Variants in SMUG1 observed in about 807,000 individuals in gnomAD.
SMUG1 encodes the protein single-strand selective monofunctional uracil DNA glycosylase.
Under a neutral mutation model 23.9 loss-of-function variants are expected in SMUG1, and 13 were observed. That is an observed-to-expected ratio of 0.54 (90% CI 0.35 to 0.86). The LOEUF (loss-of-function observed/expected upper bound fraction) is 0.86, where lower values mean the gene tolerates loss of function less well. Ranked by LOEUF, SMUG1 falls within the 40% of genes least tolerant of loss-of-function variation. The pLI is 0.01. For synonymous variants in SMUG1, 133 were observed against 139.8 expected (o/e 0.95, Z 0.34); for missense variants, 313 against 339.5 (o/e 0.92, Z 0.61).
downstream of SMUG1, among the ~76,000 whole-genome samples, chr12:54,163,893 C>T (rs1940353431): frequency 6.6e-6 from 1 of 152,266 alleles, no homozygotes; most frequent in Non-Finnish European, 1.5e-5. Flanking sequence ...CTTGTTACTG[C>T]AATTATTTCA....
rs767569651 is a variant in SMUG1 at position 54,182,211 on chromosome 12, TG to T, written c.697del (p.Gln233ArgfsTer27). ...AGAGGGATGCAGGAGCCCTTCCACCTGGACCTCTGGCATCAGGCCTGCCAGA... is the reference window on the plus strand; with the variant it reads ...AGAGGGATGCAGGAGCCCTTCCACCTGACCTCTGGCATCAGGCCTGCCAGA... The part of the protein sequence containing the change: ...RALAGLMPEV[Q>X]VEGLLHPSPR... On this transcript the variant is annotated frameshift_variant, in exon 4 of 4. Coordinates refer to ENST00000682136, the MANE Select transcript of SMUG1 (RefSeq NM_001243787.2). LOFTEE classifies it high-confidence loss of function. 6.2e-7 allele frequency: 1 copy of T among 1,612,144 alleles called. No individual in the cohort carries two copies. Among genetic ancestry groups the T allele is most frequent in the Non-Finnish European group, 8.5e-7 (1 of 1,178,654 alleles).
chr12:54,167,135 G>A (rs960593638), intron 3 of SMUG1, among the ~76,000 whole-genome samples: 1 of 152,172 alleles, frequency 6.6e-6, no homozygotes, highest in East Asian at 1.9e-4. Context: ...GACATTCCTA[G>A]GCAGCTGGGT....
rs1403142043 is a variant in SMUG1, at chr12:54,172,195, T to C, written c.399-86A>G. 4 of 427,154 alleles carry C rather than the reference T, an allele frequency of 9.4e-6. No homozygotes were observed. The East Asian group carries it at 3.0e-4, about 32-fold the overall frequency. 26.5% of individuals were successfully genotyped at this position (427,154 alleles called of 1,614,324 possible). ...ATGTTACTCGGAGTGTGAGTTTTAC[T>C]GTAACTTATTAGTTTCTACGTGATG... On this transcript the variant is annotated intron_variant and NMD_transcript_variant, in intron 2 of 4. Transcript: ENST00000509864.
At chr12:54,187,114 A>G (rs2136877752) in intron 2 of SMUG1, 1 of 152,332 alleles carries the variant, frequency 6.6e-6, no homozygotes, top group Non-Finnish European at 1.5e-5. Flanking sequence ...TTAGCTGCCC[A>G]CTTTGCACTC....
chr12:54,178,868 GAGGAAGACCCACCCAC>G (rs1350853036), downstream of SMUG1, among the ~76,000 whole-genome samples: 4 of 152,304 alleles, frequency 2.6e-5, no homozygotes, highest in East Asian at 7.7e-4. Flanking sequence ...TAGACTGGGA[GAGGAAGACCCACCCAC>G]AGGAAAACCC....
chr12:54,183,832 G>A lies in SMUG1; in HGVS notation c.109C>T (p.Arg37Trp), dbSNP rs759437513. The A allele has an allele frequency of 6.8e-6, 11 of 1,613,746 alleles. No homozygotes were observed. Among genetic ancestry groups the A allele is most frequent in the African/African-American group, 4.0e-5 (3 of 74,932 alleles). ...AGCTGGCTCAGCTCAGCATTGAGCC[G>A]AAGCTCCTCCTCCAGGAAGCTCTCA... ...LAESFLEEEL[R>W]LNAELSQLQF... Residue 37 changes from arginine to tryptophan, a missense_variant, in exon 3 of 4, where the codon CGG (arginine) becomes TGG (tryptophan). Arg to Trp is a moderately radical substitution (Grantham distance 101). Transcript: ENST00000682136.
chr12:54,176,565 G>T (rs532303697), downstream of SMUG1, among the ~76,000 whole-genome samples: 42 of 135,218 alleles, frequency 3.1e-4, no homozygotes, highest in African/African-American at 1.1e-3. Context: ...CCAGCACTTT[G>T]GGAGGCCGAG....
In SMUG1 at chr12:54,182,358, G is replaced by C; in HGVS notation, c.551C>G (p.Ala184Gly). Residue 184 changes from alanine to glycine, a missense_variant, in exon 4 of 4, where the codon GCC (alanine) becomes GGC (glycine). Transcript: ENST00000682136. Reference sequence around the variant, plus strand: ...CCCAAGAAGCTGTTCTCGCTGCTTGGCAGGCAGCTCAGCAGGAGTAAGGTT... The same window carrying C: ...CCCAAGAAGCTGTTCTCGCTGCTTGCCAGGCAGCTCAGCAGGAGTAAGGTT... ...GRNLTPAELP[A>G]KQREQLLGIC... The C allele has an allele frequency of 8.1e-6, 13 of 1,614,166 alleles. No individual in the cohort carries two copies. Among genetic ancestry groups the C allele is most frequent in the Non-Finnish European group, 1.1e-5 (13 of 1,180,036 alleles).
intron 3 of SMUG1, chr12:54,183,079 G>A (rs1941489333): frequency 5.4e-6 from 1 of 185,318 alleles, no homozygotes; most frequent in African/African-American, 2.4e-5. Flanking sequence ...TCATCACCCA[G>A]TTGGGGTCAA....
At chr12:54,182,920 G>C (rs193161284) in intron 3 of SMUG1, 1 of 385,034 alleles carries the variant, frequency 2.6e-6, no homozygotes, top group Non-Finnish European at 4.6e-6. Flanking sequence ...AGGGTTTGAT[G>C]GTTAGTACTG....
At chr12:54,183,155 G>GA (rs11459144) in intron 3 of SMUG1, 2,129 of 198,434 alleles carry the variant, frequency 0.011, 47 homozygotes, top group African/African-American at 0.045. Flanking sequence ...CACCCCCACT[G>GA]GGGGCAGTCA....
rs1170965219 is a variant in SMUG1 at position 54,166,955 on chromosome 12, C to T, written c.*53-1477G>A. On this transcript the variant is annotated intron_variant and NMD_transcript_variant, in intron 3 of 4. Coordinates refer to the SMUG1 transcript ENST00000509864. Reference sequence around the variant, plus strand: ...CATAGGTATTAAACTTAAGTTAGTTCTTAGGAAGGCTGACACCCAGTCTGG... The same window carrying T: ...CATAGGTATTAAACTTAAGTTAGTTTTTAGGAAGGCTGACACCCAGTCTGG... Among the ~76,000 whole-genome samples, 3 of 152,160 alleles carry T rather than the reference C, an allele frequency of 2.0e-5. No homozygotes were observed. The East Asian group carries it at 5.8e-4, about 29-fold the overall frequency.
chr12:54,188,437 C>T (rs1943074786), intron 1 of SMUG1: 1 of 151,396 alleles, frequency 6.6e-6, no homozygotes, highest in Non-Finnish European at 1.5e-5. Context: ...ACCAGCCTGA[C>T]CAACATGGTG....
chr12:54,168,228 T>C (rs1940533670), intron 3 of SMUG1: 1 of 152,228 alleles, frequency 6.6e-6, no homozygotes, highest in Non-Finnish European at 1.5e-5. Context: ...TCCTCTTTCT[T>C]TGGTTCCTCT....
At chr12:54,183,609 C>T (rs368544914) in intron 3 of SMUG1, 47 bp downstream of exon 3, 250 of 1,598,554 alleles carry the variant, frequency 1.6e-4, no homozygotes, top group Non-Finnish European at 2.0e-4. Flanking sequence ...GCCAAGCATC[C>T]ACCTAGAACC....
At chr12:54,174,713 C>T (rs1032757401) in intron 2 of SMUG1, among the ~76,000 whole-genome samples, 3 of 152,214 alleles carry the variant, frequency 2.0e-5, no homozygotes, top group African/African-American at 7.2e-5. Context: ...GAGGACTGTT[C>T]TGGGCTCTCA....
chr12:54,175,498 G>A (rs115971807), downstream of SMUG1, among the ~76,000 whole-genome samples: 3,183 of 152,224 alleles, frequency 0.021, 124 homozygotes, highest in African/African-American at 0.073. Context: ...CAATGGTCCC[G>A]TTTTGCAAAT....
chr12:54,160,667 C>T (rs75385423), downstream of SMUG1, among the ~76,000 whole-genome samples: 1 of 152,332 alleles, frequency 6.6e-6, no homozygotes, highest in East Asian at 1.9e-4. Flanking sequence ...GATCCTGGAA[C>T]AGGTGGCCCT....
downstream of SMUG1, among the ~76,000 whole-genome samples, chr12:54,178,681 C>G (rs574077836): frequency 2.0e-5 from 3 of 152,274 alleles, no homozygotes; most frequent in East Asian, 5.8e-4. Context: ...AAAGATTATT[C>G]TAGCATTCAA....
Sources: gnomAD v4.1 joint callset for allele counts (sites outside exome capture counted in the v4.1 genomes callset) on GRCh38, gnomAD v4.1.1 for gene constraint, MANE v1.5 for transcripts, NCBI Gene and HGNC (gene_info 2026-07-23, HGNC 2026-07-21) for gene names.